Variants in HOMEZ observed in about 807,000 individuals in gnomAD.
The protein encoded by HOMEZ is homeobox and leucine zipper protein Homez.
A neutral mutation model predicts 50.1 loss-of-function variants in HOMEZ; 20 were observed. The ratio of observed to expected loss-of-function variants is 0.40; its 90% CI spans 0.28 to 0.58. HOMEZ has a LOEUF of 0.58. Among genes scored for constraint, HOMEZ ranks in the 20% least tolerant of loss-of-function variants. The pLI is 0.46. For synonymous variants in HOMEZ, 239 were observed against 254.7 expected (o/e 0.94, Z 0.59); for missense variants, 579 against 680.5 (o/e 0.85, Z 1.66).
At chr14:23,284,867 G>C (rs1339266519) in intron 1 of HOMEZ, 1 of 152,180 alleles carries the variant, frequency 6.6e-6, no homozygotes, top group Non-Finnish European at 1.5e-5. Flanking sequence ...GAAAGTGCCT[G>C]AGTGGCTCTC....
intron 1 of HOMEZ, among the ~76,000 whole-genome samples, chr14:23,277,912 C>A (rs912604348): frequency 2.7e-4 from 40 of 150,940 alleles, no homozygotes; most frequent in African/African-American, 9.5e-4. Context: ...TCACTGCAAC[C>A]TCCACCTCCC....
chr14:23,276,217 A>T lies in HOMEZ; in HGVS notation c.1011T>A (p.His337Gln). The part of the protein sequence containing the change: ...LEPAWPQGLR[H>Q]NSVPGRVGPT... ...GGCCAACTCTACCTGGTACTGAGTTATGCCGTAGCCCTTGGGGCCAGGCTG... is the reference window on the plus strand; with the variant it reads ...GGCCAACTCTACCTGGTACTGAGTTTTGCCGTAGCCCTTGGGGCCAGGCTG... Residue 337 changes from histidine to glutamine, a missense_variant, in exon 2 of 2, where the codon CAT (histidine) becomes CAA (glutamine). Transcript: ENST00000357460. The surrounding 1 kb of genome is among the most constrained non-coding windows in gnomAD (Gnocchi z 4.1). The T allele has an allele frequency of 6.2e-7, 1 of 1,614,010 alleles. No homozygotes were observed. Among genetic ancestry groups the T allele is most frequent in the South Asian group, 1.1e-5 (1 of 91,080 alleles).
intron 1 of HOMEZ, chr14:23,284,964 G>C (rs1355208261): frequency 6.6e-6 from 1 of 152,134 alleles, no homozygotes; most frequent in African/African-American, 2.4e-5. Flanking sequence ...CTGGGGTCCA[G>C]GCATCCAAAG....
chr14:23,280,710 T>TTTA (rs1555323549), intron 1 of HOMEZ, among the ~76,000 whole-genome samples: 21 of 62,102 alleles, frequency 3.4e-4, no homozygotes, highest in African/African-American at 9.8e-4. Flanking sequence ...TATATTTTTA[T>TTTA]TTTTATTTTA....
intron 1 of HOMEZ, 123 bp from the exon 2 acceptor site, chr14:23,277,310 G>T: frequency 2.2e-6 from 2 of 915,922 alleles, no homozygotes; most frequent in East Asian, 2.8e-5. Context: ...ATGTTGTATT[G>T]CTTTTTAAGT....
At chr14:23,277,275 G>T in intron 1 of HOMEZ, 88 bp from the exon 2 acceptor site, 1 of 1,205,360 alleles carries the variant, frequency 8.3e-7, no homozygotes, top group Non-Finnish European at 1.1e-6. Context: ...CTGGACACCA[G>T]AACAATTTAA....
At position 23,273,013 on chromosome 14, in the gene HOMEZ, C is replaced by T. The variant is rs1213833090; in HGVS notation, c.*2562G>A. 3.4e-6 allele frequency: 2 copies of T among 587,844 alleles called. No individual in the cohort carries two copies. Among genetic ancestry groups the T allele is most frequent in the East Asian group, 6.3e-5 (2 of 31,684 alleles). The allele number at this position is 587,844 out of a possible 1,614,324, so 36.4% of individuals were successfully genotyped here. On this transcript the variant is annotated 3_prime_UTR_variant, in exon 2 of 2. Transcript: ENST00000357460. ...ATTGTTTCCTAGTTTCACTCTGTAC[C>T]TTATGCTCCCCCCATCTTTACCCTA...
intron 1 of HOMEZ, 38 bp from the exon 2 acceptor site, chr14:23,277,225 C>G: frequency 1.4e-6 from 2 of 1,477,624 alleles, no homozygotes; most frequent in Non-Finnish European, 1.8e-6. Context: ...CACTGGGTCT[C>G]CTCTTCTGAC....
chr14:23,285,702 A>G (rs536704267), intron 1 of HOMEZ: 72 of 399,152 alleles, frequency 1.8e-4, no homozygotes, highest in African/African-American at 1.1e-3. Context: ...AGGGCGCCCC[A>G]ACCCAACCTT....
In HOMEZ at chr14:23,275,941, A is replaced by G. The variant is rs1594962107; in HGVS notation, c.1287T>C (p.Ser429=). 1 of 1,610,058 alleles carries G rather than the reference A, an allele frequency of 6.2e-7. No individual in the cohort carries two copies. The highest frequency in any genetic ancestry group is 2.2e-5 in the East Asian group (1 of 44,846). Residue 429 remains serine, a synonymous_variant, in exon 2 of 2, where the codon AGT becomes AGC. Transcript: ENST00000357460. ...GTGTAGGAATTGCTGGGTCTTGGAA[A>G]CTAGGGGCACCAGGTACTGCGTTGT... ...FRDNAVPGAP[S]FQDPAIPTPP... is the part of the protein sequence containing the mutation.
intron 1 of HOMEZ, among the ~76,000 whole-genome samples, chr14:23,280,653 C>T (rs1470480591): frequency 6.6e-6 from 1 of 150,400 alleles, no homozygotes; most frequent in Non-Finnish European, 1.5e-5. Flanking sequence ...CATCCATCAC[C>T]CTTTACTCTT....
rs550604288 is a variant in HOMEZ, at chr14:23,272,921, T to C, written c.*2654A>G. On this transcript the variant is annotated 3_prime_UTR_variant, in exon 2 of 2. Coordinates refer to ENST00000357460, the MANE Select transcript of HOMEZ (RefSeq NM_020834.3). ...TCTTCAAGATCTGATCTATACATGC[T>C]GCTGAAGGATGGACTGTAGCTTCCA... 6 of 1,323,140 alleles carry C rather than the reference T, an allele frequency of 4.5e-6. No homozygotes were observed. The highest frequency in any genetic ancestry group is 6.3e-6 in the Non-Finnish European group (6 of 958,350). The allele number at this position is 1,323,140 out of a possible 1,614,324, so 82.0% of individuals were successfully genotyped here.
rs750910292 is a variant in HOMEZ at position 23,275,595 on chromosome 14, CAT to C, written c.1631_1632del (p.Asp544GlyfsTer21). 5.8e-4 allele frequency: 765 copies of C among 1,329,076 alleles called. 1 individual carries two copies. The highest frequency in any genetic ancestry group is 7.4e-4 in the Middle Eastern group (4 of 5,376). The allele number at this position is 1,329,076 out of a possible 1,614,324, so 82.3% of individuals were successfully genotyped here. A position where few individuals can be genotyped will look rare whatever the true frequency, so the allele number is the denominator to read the frequency against. ...EEEEDDDDDDDDVIIQD is the reference protein window; with the variant it reads ...EEEEDDDDDDXDVIIQD The stretch of plus-strand genomic sequence containing the variant: ...CCCACTCAGTCTTGTATGATCACAT[CAT>C]CATCATCATCATCATCATCTTCCTC... On this transcript the variant is annotated frameshift_variant, in exon 2 of 2. Transcript: ENST00000357460. LOFTEE classifies it high-confidence loss of function.
intron 1 of HOMEZ, among the ~76,000 whole-genome samples, chr14:23,280,582 G>A (rs1886467743): frequency 6.6e-6 from 1 of 151,732 alleles, no homozygotes; most frequent in Non-Finnish European, 1.5e-5. Context: ...TTATTTCCCA[G>A]AATATTCTGT....
chr14:23,276,625 T>C lies in HOMEZ; in HGVS notation c.603A>G (p.Leu201=). The C allele has an allele frequency of 6.2e-7, 1 of 1,614,002 alleles. No individual in the cohort carries two copies. The change falls in exon 2 of 2, where the codon TTA becomes TTG. Residue 201 remains leucine, a synonymous_variant. Transcript: ENST00000357460. The surrounding 1 kb of genome is among the most constrained non-coding windows in gnomAD (Gnocchi z 4.1). ...MPPLPQSHQK[L]KESLMTPGSG... ...TGCCAGGTGTCATCAGGGACTCCTTTAATTTCTGGTGACTCTGTGGCAGTG... is the reference window on the plus strand; with the variant it reads ...TGCCAGGTGTCATCAGGGACTCCTTCAATTTCTGGTGACTCTGTGGCAGTG...
chr14:23,278,518 G>A (rs1886417472), intron 1 of HOMEZ, among the ~76,000 whole-genome samples: 2 of 151,414 alleles, frequency 1.3e-5, no homozygotes, highest in Non-Finnish European at 2.9e-5. Context: ...GGTACATGCA[G>A]CCATATCCGG....
chr14:23,274,407 AC>A lies in HOMEZ; in HGVS notation c.*1167del, dbSNP rs1479825485. ...AAGGAGAAACTATTCCCTCTCTTTC[AC>A]CCCTTTGTAACACAATTCTACTGTT... On this transcript the variant is annotated 3_prime_UTR_variant, in exon 2 of 2. Coordinates refer to ENST00000357460, the MANE Select transcript of HOMEZ (RefSeq NM_020834.3). 1 of 152,622 alleles carries A rather than the reference AC, an allele frequency of 6.6e-6. No individual in the cohort carries two copies. Among genetic ancestry groups the A allele is most frequent in the Non-Finnish European group, 1.5e-5 (1 of 68,030 alleles). 9.5% of individuals were successfully genotyped at this position (152,622 alleles called of 1,614,324 possible).
chr14:23,279,455 G>T (rs1291654795), intron 1 of HOMEZ, among the ~76,000 whole-genome samples: 2 of 152,168 alleles, frequency 1.3e-5, no homozygotes, highest in Admixed American at 6.5e-5. Flanking sequence ...GAGTGACCGG[G>T]TGAGTGGTTT....
intron 1 of HOMEZ, among the ~76,000 whole-genome samples, chr14:23,277,505 G>A (rs1886392475): frequency 1.3e-5 from 2 of 152,178 alleles, no homozygotes. Flanking sequence ...TGTAATCCCA[G>A]CACTTCGGGA....
Sources: gnomAD v4.1 joint callset for allele counts (sites outside exome capture counted in the v4.1 genomes callset) on GRCh38, gnomAD v4.1.1 for gene constraint, Gnocchi (gnomAD v3.1) non-coding constraint, MANE v1.5 for transcripts, NCBI Gene and HGNC (gene_info 2026-07-23, HGNC 2026-07-21) for gene names.